Variants in RBFOX3 observed in about 807,000 individuals in gnomAD.
The protein encoded by RBFOX3 is RNA binding protein fox-1 homolog 3.
A neutral mutation model predicts 48.7 loss-of-function variants in RBFOX3; 17 were observed. That is an observed-to-expected ratio of 0.35 (90% confidence interval 0.24 to 0.52). The LOEUF is 0.52. Among genes scored for constraint, RBFOX3 ranks in the 20% least tolerant of loss-of-function variants. The pLI, the probability that RBFOX3 is intolerant of heterozygous loss-of-function variation, is 0.94. For missense variants in RBFOX3, 382 were observed against 497.5 expected, an observed-to-expected ratio of 0.77 and a Z score of 2.21; for synonymous variants, 212 against 209.5, an observed-to-expected ratio of 1.01 and a Z score of -0.10.
chr17:79,660,650 C>T, the RBFOX3 span, among the ~76,000 whole-genome samples: 45 of 152,178 alleles, frequency 3.0e-4, no homozygotes, highest in Admixed American at 2.0e-4. Flanking sequence ...ACAACAGATG[C>T]TGGCGAGGTT....
chr17:79,400,406 C>T (rs72852446), intron 2 of RBFOX3, among the ~76,000 whole-genome samples: 3 of 152,158 alleles, frequency 2.0e-5, no homozygotes, highest in Non-Finnish European at 4.4e-5. Context: ...CTTCACACGG[C>T]GTTTTTGTCT....
At chr17:79,620,585 G>GCGCGTGCACACACGCA in the RBFOX3 span, among the ~76,000 whole-genome samples, 1 of 131,894 alleles carries the variant, frequency 7.6e-6, no homozygotes, top group East Asian at 3.5e-4. Context: ...ACACACGCAC[G>GCGCGTGCACACACGCA]CACACACACG....
chr17:79,394,315 C>A (rs1028519403), intron 2 of RBFOX3, among the ~76,000 whole-genome samples: 1 of 152,228 alleles, frequency 6.6e-6, no homozygotes, highest in Admixed American at 6.5e-5. Context: ...ATCACTGAGA[C>A]ACTCACTCCC....
At chr17:79,394,484 T>C (rs2061746228) in intron 2 of RBFOX3, among the ~76,000 whole-genome samples, 1 of 152,272 alleles carries the variant, frequency 6.6e-6, no homozygotes, top group East Asian at 1.9e-4. Context: ...ACCCTAGTGC[T>C]TGGCCAAAAA....
rs1439261695 is a variant in RBFOX3 at position 79,115,495 on chromosome 17, G to A, written c.221C>T (p.Pro74Leu). The A allele has an allele frequency of 4.5e-6, 6 of 1,323,970 alleles. No individual in the cohort carries two copies. The highest frequency in any genetic ancestry group is 4.5e-5 in the South Asian group (2 of 44,102). 82.0% of individuals were successfully genotyped at this position (1,323,970 alleles called of 1,614,324 possible). ...GCCTGGGGTCGTGGGGGCCCTTACC[G>A]GCACTGTCTGGGTCCCGGCGATGGG... is the stretch of plus-strand genomic sequence containing the variant. ...TQPIAGTQTV[P>L]QTDEAAQTDS... The change falls in exon 5 of 15, where the codon CCG becomes CTG. Residue 74 changes from proline to leucine, a missense_variant and splice_region_variant. By Grantham distance (98) the Pro-to-Leu change is moderately conservative. Transcript: ENST00000693108.
At chr17:79,414,727 T>C (rs1195472010) in intron 2 of RBFOX3, among the ~76,000 whole-genome samples, 1 of 152,152 alleles carries the variant, frequency 6.6e-6, no homozygotes, top group Non-Finnish European at 1.5e-5. Flanking sequence ...GATGGGCACC[T>C]GGGAAGACAG....
intron 3 of RBFOX3, among the ~76,000 whole-genome samples, chr17:79,301,551 A>G (rs2145345935): frequency 6.6e-6 from 1 of 152,358 alleles, no homozygotes; most frequent in East Asian, 1.9e-4. Flanking sequence ...CTCTGCCTTT[A>G]TGTGGGAGAA....
At position 79,089,787 on chromosome 17, in the gene RBFOX3, G is replaced by A. The variant is rs2146052269; in HGVS notation, c.*1096C>T. On this transcript the variant is annotated 3_prime_UTR_variant, in exon 15 of 15. Transcript: ENST00000693108. ...TGCTCCTGCTCCTCCCACCGGGTAA[G>A]CCTGGCTGTCCTTGGTGCTGCTCCC... 6.5e-6 allele frequency: 1 copy of A among 152,722 alleles called. No individual in the cohort carries two copies. Among genetic ancestry groups the A allele is most frequent in the South Asian group, 2.1e-4 (1 of 4,832 alleles). The allele number at this position is 152,722 out of a possible 1,614,324, so 9.5% of individuals were successfully genotyped here.
At position 79,416,043 on chromosome 17, in the gene RBFOX3, C is replaced by T. The variant is rs191826148; in HGVS notation, c.-175+66411G>A. On this transcript the variant is annotated intron_variant, in intron 2 of 14. Transcript: ENST00000693108. The stretch of plus-strand genomic sequence containing the variant: ...TGCCTGCGCTGCCTCCTTCTGCCGC[C>T]GCCTCTTCCTCTCGCCTGCACTCCA... Among the ~76,000 whole-genome samples the T allele has an allele frequency of 3.5e-3, 539 of 152,270 alleles. 2 individuals carry two copies. The highest frequency in any genetic ancestry group is 0.024 in the Middle Eastern group (7 of 294).
intron 2 of RBFOX3, among the ~76,000 whole-genome samples, chr17:79,424,852 G>A (rs1362861389): frequency 6.6e-6 from 1 of 152,020 alleles, no homozygotes; most frequent in Non-Finnish European, 1.5e-5. Flanking sequence ...CTGGAAGGCA[G>A]CCCCTACCCA....
chr17:79,541,198 C>T (rs539215486), intron 1 of RBFOX3, among the ~76,000 whole-genome samples: 2 of 152,200 alleles, frequency 1.3e-5, no homozygotes, highest in South Asian at 4.2e-4. Context: ...CTATACATTT[C>T]ATAATGGCCT....
rs543546592 is a variant in RBFOX3 at position 79,481,377 on chromosome 17, G to T, written c.-175+1077C>A. Among the ~76,000 whole-genome samples the T allele has an allele frequency of 1.3e-4, 20 of 152,264 alleles. 1 individual carries two copies. In the South Asian group the frequency reaches 3.9e-3, roughly 30 times the overall value. On this transcript the variant is annotated intron_variant, in intron 2 of 14. Coordinates refer to ENST00000693108, the MANE Select transcript of RBFOX3 (RefSeq NM_001350451.2). The surrounding 1 kb of genome is among the most constrained non-coding windows in gnomAD (Gnocchi z 5.4). ...CTGAACCTCATGGGGGTTTAAGAAA[G>T]AATTCACCTGGTGTCTGTCCCTGGT...
chr17:79,259,096 C>T (rs2065324807), intron 3 of RBFOX3, among the ~76,000 whole-genome samples: 1 of 152,250 alleles, frequency 6.6e-6, no homozygotes, highest in Admixed American at 6.5e-5. Flanking sequence ...ATAATTCTGC[C>T]CTTCAGGCTA....
chr17:79,588,166 C>T (rs1486104286), intron 1 of RBFOX3, among the ~76,000 whole-genome samples: 1 of 152,112 alleles, frequency 6.6e-6, no homozygotes, highest in South Asian at 2.1e-4. Flanking sequence ...TAGGAGTTTC[C>T]AGGTGGGATG....
chr17:79,537,643 C>A lies in RBFOX3; in HGVS notation c.-319-55045G>T, dbSNP rs114359403. Among the ~76,000 whole-genome samples the A allele has an allele frequency of 4.1e-3, 623 of 152,282 alleles. 6 individuals are homozygous for A. The highest frequency in any genetic ancestry group is 0.014 in the African/African-American group (584 of 41,556). ...TCCTGTTTCTGCCTTTGAACAAAAA[C>A]GGACAAATCTACTTCCTCCTGCCCA... On this transcript the variant is annotated intron_variant, in intron 1 of 14. Transcript: ENST00000693108.
chr17:79,307,061 C>T (rs139731825), intron 3 of RBFOX3, among the ~76,000 whole-genome samples: 53 of 152,368 alleles, frequency 3.5e-4, no homozygotes, highest in Middle Eastern at 3.4e-3. Context: ...AAGGCCATCC[C>T]TGGGGAGAAG....
At chr17:79,447,632 G>A (rs1191934404) in intron 2 of RBFOX3, among the ~76,000 whole-genome samples, 6 of 152,214 alleles carry the variant, frequency 3.9e-5, no homozygotes, top group South Asian at 2.1e-4. Flanking sequence ...TGGGCTTAAA[G>A]CACCATCCTC....
chr17:79,219,375 C>A (rs1156649467), intron 4 of RBFOX3, among the ~76,000 whole-genome samples: 1 of 152,234 alleles, frequency 6.6e-6, no homozygotes, highest in East Asian at 1.9e-4. Context: ...ATGCAGCCTT[C>A]TCCAAAGTGT....
intron 1 of RBFOX3, among the ~76,000 whole-genome samples, chr17:79,527,085 T>C (rs1314396566): frequency 6.6e-6 from 1 of 151,938 alleles, no homozygotes. Context: ...CCTGGCTGGA[T>C]CCTATCTTCT....
Sources: allele counts gnomAD v4.1 joint callset (sites outside exome capture counted in the v4.1 genomes callset), GRCh38; gene constraint gnomAD v4.1.1; non-coding constraint Gnocchi (gnomAD v3.1); transcripts MANE v1.5; gene names NCBI Gene and HGNC (gene_info 2026-07-23, HGNC 2026-07-21).